Variants in KAZN observed in about 807,000 individuals in gnomAD.
KAZN encodes kazrin, periplakin interacting protein.
In KAZN, 40 loss-of-function variants were observed where a neutral mutation model predicts 87.4. That is an observed-to-expected ratio of 0.46 (90% CI 0.36 to 0.60). KAZN has a LOEUF of 0.60. KAZN is among the 20% of genes least tolerant of loss of function. The pLI is 0.00. For synonymous variants in KAZN, 466 were observed against 458.3 expected, an observed-to-expected ratio of 1.02 and a Z score of -0.22; for missense variants, 898 against 1,073.9, an observed-to-expected ratio of 0.84 and a Z score of 2.29.
intron 1 of KAZN, among the ~76,000 whole-genome samples, chr1:14,867,153 T>G (rs547490638): frequency 6.6e-6 from 1 of 152,216 alleles, no homozygotes; most frequent in African/African-American, 2.4e-5. Flanking sequence ...GGGCCCTCCC[T>G]GTGCAGGGGA....
intron 1 of KAZN, among the ~76,000 whole-genome samples, chr1:14,683,427 C>T (rs1640785422): frequency 6.6e-6 from 1 of 152,164 alleles, no homozygotes; most frequent in Admixed American, 6.5e-5. Flanking sequence ...CTGAGCCTTT[C>T]AACCTCAACT....
At chr1:14,545,847 T>C (rs1673106988) in intron 2 of KAZN, among the ~76,000 whole-genome samples, 1 of 152,026 alleles carries the variant, frequency 6.6e-6, no homozygotes, top group African/African-American at 2.4e-5. Context: ...CCACCAGAAG[T>C]TATACATGTT....
At chr1:14,545,330 A>G (rs184916752) in intron 2 of KAZN, among the ~76,000 whole-genome samples, 189 of 152,256 alleles carry the variant, frequency 1.2e-3, no homozygotes, top group African/African-American at 4.3e-3. Flanking sequence ...TCCATGTGCA[A>G]CACCCACCAC....
At chr1:14,171,417 A>G (rs1346051043) in intron 1 of KAZN, among the ~76,000 whole-genome samples, 2 of 152,192 alleles carry the variant, frequency 1.3e-5, no homozygotes, top group Non-Finnish European at 2.9e-5. Flanking sequence ...GCAACCTATG[A>G]GGGTTCCCAT....
intron 2 of KAZN, among the ~76,000 whole-genome samples, chr1:14,503,650 T>C (rs941992742): frequency 6.6e-6 from 1 of 151,306 alleles, no homozygotes; most frequent in Admixed American, 6.6e-5. Context: ...CTGGCCACCA[T>C]GCTGGACATT....
At chr1:14,679,789 C>G (rs1040748874) in intron 1 of KAZN, among the ~76,000 whole-genome samples, 1 of 152,116 alleles carries the variant, frequency 6.6e-6, no homozygotes, top group Non-Finnish European at 1.5e-5. Flanking sequence ...GTCGGATAGG[C>G]ATCAGGTTTT....
intron 2 of KAZN, among the ~76,000 whole-genome samples, chr1:14,478,840 A>C (rs1668917710): frequency 6.6e-6 from 1 of 152,216 alleles, no homozygotes; most frequent in Non-Finnish European, 1.5e-5. Flanking sequence ...ATTTCTCTGA[A>C]AGCAGACCCT....
intron 1 of KAZN, among the ~76,000 whole-genome samples, chr1:13,951,943 G>T (rs1023059622): frequency 1.3e-5 from 2 of 152,168 alleles, no homozygotes; most frequent in African/African-American, 4.8e-5. Context: ...TTTATTATCA[G>T]TTGGGTAGTT....
intron 2 of KAZN, among the ~76,000 whole-genome samples, chr1:14,423,218 G>T (rs1665532081): frequency 6.6e-6 from 1 of 152,112 alleles, no homozygotes; most frequent in Non-Finnish European, 1.5e-5. Flanking sequence ...GGAAGCTTGG[G>T]TTTCATCCTA....
intron 2 of KAZN, among the ~76,000 whole-genome samples, chr1:14,214,249 T>C (rs997499412): frequency 2.8e-5 from 2 of 72,114 alleles, no homozygotes; most frequent in Non-Finnish European, 5.8e-5. Context: ...TTCTTTGGAG[T>C]GTACATCGTT....
At chr1:14,374,181 T>G (rs1483486864) in intron 2 of KAZN, among the ~76,000 whole-genome samples, 4 of 152,136 alleles carry the variant, frequency 2.6e-5, no homozygotes, top group Non-Finnish European at 5.9e-5. Context: ...GCTCTAAAAC[T>G]TGATGTTTAA....
At chr1:14,934,760 C>T (rs1233590949) in intron 1 of KAZN, among the ~76,000 whole-genome samples, 1 of 152,240 alleles carries the variant, frequency 6.6e-6, no homozygotes, top group Non-Finnish European at 1.5e-5. Context: ...GGGGCTGATG[C>T]TGGCCAGTAT....
At chr1:14,490,488 G>GGTTTGTTTGTTT (rs947022908) in intron 2 of KAZN, among the ~76,000 whole-genome samples, 39 of 151,854 alleles carry the variant, frequency 2.6e-4, no homozygotes, top group African/African-American at 8.2e-4. Flanking sequence ...TTGTTTTTTT[G>GGTTTGTTTGTTT]GTTTGTTTGT....
At chr1:14,450,319 T>C (rs1334063194) in intron 2 of KAZN, among the ~76,000 whole-genome samples, 1 of 152,234 alleles carries the variant, frequency 6.6e-6, no homozygotes, top group Non-Finnish European at 1.5e-5. Flanking sequence ...CTGGGCGCAG[T>C]GGCTCATGCC....
At chr1:14,062,554 A>G (rs377529975) in intron 1 of KAZN, among the ~76,000 whole-genome samples, 1 of 152,290 alleles carries the variant, frequency 6.6e-6, no homozygotes, top group South Asian at 2.1e-4. Context: ...TTTACAATAA[A>G]TTGTAAACAC....
chr1:14,046,701 G>C (rs1642088615), intron 1 of KAZN, among the ~76,000 whole-genome samples: 1 of 152,182 alleles, frequency 6.6e-6, no homozygotes, highest in Non-Finnish European at 1.5e-5. Context: ...TCCAGGACCA[G>C]GCATGCCCTC....
At chr1:14,056,308 G>A (rs1259392288) in intron 1 of KAZN, among the ~76,000 whole-genome samples, 1 of 152,242 alleles carries the variant, frequency 6.6e-6, no homozygotes, top group East Asian at 1.9e-4. Flanking sequence ...GTAGGATGAT[G>A]TAATCACAAG....
chr1:14,774,468 A>ATTTTT (rs35723980), intron 1 of KAZN, among the ~76,000 whole-genome samples: 1 of 131,282 alleles, frequency 7.6e-6, no homozygotes, highest in Non-Finnish European at 1.6e-5. Flanking sequence ...TCTTGAACAG[A>ATTTTT]TTTTTTTTTT....
At chr1:14,050,040 C>T (rs1231375947) in intron 1 of KAZN, among the ~76,000 whole-genome samples, 2 of 151,770 alleles carry the variant, frequency 1.3e-5, no homozygotes, top group South Asian at 2.1e-4. Context: ...TGCATGTGCA[C>T]GTGTGTCTGT....
Sources: gnomAD v4.1 joint callset for allele counts (sites outside exome capture counted in the v4.1 genomes callset) on GRCh38, gnomAD v4.1.1 for gene constraint, MANE v1.5 for transcripts, NCBI Gene and HGNC (gene_info 2026-07-23, HGNC 2026-07-21) for gene names.